The following ZNF532 variants were observed in gnomAD, a reference collection of about 807,000 sequenced individuals.
The protein encoded by ZNF532 is zinc finger protein 532.
ZNF532 carries 22 observed loss-of-function variants against 89.3 expected under a neutral mutation model. The observed-to-expected ratio is 0.25, with a 90% CI of 0.18 to 0.35. The LOEUF (loss-of-function observed/expected upper bound fraction) is 0.35. Ranked by LOEUF, ZNF532 falls within the 10% of genes least tolerant of loss-of-function variation. ZNF532 has a pLI of 1.00. For missense variants in ZNF532, 1,132 were observed against 1,643.4 expected (o/e 0.69, Z 5.38); for synonymous variants, 606 against 649.6 (o/e 0.93, Z 1.02).
chr18:58,922,640 C>T (rs968278185), intron 3 of ZNF532, among the ~76,000 whole-genome samples: 2 of 152,194 alleles, frequency 1.3e-5, no homozygotes, highest in African/African-American at 4.8e-5. Flanking sequence ...TCTTTTCATC[C>T]TAACAGGATG....
chr18:58,893,467 A>G (rs950073703), intron 2 of ZNF532, among the ~76,000 whole-genome samples: 2 of 151,946 alleles, frequency 1.3e-5, no homozygotes, highest in Admixed American at 1.3e-4. Context: ...CCTGGGCAAC[A>G]TGGCTGTGGC....
chr18:58,867,117 C>T (rs2056539743), intron 2 of ZNF532, among the ~76,000 whole-genome samples: 1 of 152,252 alleles, frequency 6.6e-6, no homozygotes, highest in Non-Finnish European at 1.5e-5. Flanking sequence ...TAGCTTAATA[C>T]AATAAGCTGT....
At chr18:58,941,070 A>C (rs2062977947) in intron 5 of ZNF532, among the ~76,000 whole-genome samples, 1 of 151,924 alleles carries the variant, frequency 6.6e-6, no homozygotes, top group Non-Finnish European at 1.5e-5. Context: ...AAAAAAAAAA[A>C]CATGTTGAAG....
intron 6 of ZNF532, among the ~76,000 whole-genome samples, chr18:58,949,309 T>C (rs1019899546): frequency 1.3e-5 from 2 of 152,216 alleles, no homozygotes; most frequent in African/African-American, 2.4e-5. Flanking sequence ...CCATTGGCTT[T>C]CAGAGATTAA....
In ZNF532 at chr18:58,900,103, T is replaced by C. The variant is rs533006657; in HGVS notation, c.-17-18168T>C. Among the ~76,000 whole-genome samples, 3 of 152,330 alleles carry C rather than the reference T, an allele frequency of 2.0e-5. No homozygotes were observed. The East Asian group carries it at 5.8e-4, about 29-fold the overall frequency. ...TTGTCTAGAGGCTTTCCCATGCATC[T>C]GGTGATTGTTTAGGGATGAGGCTGT... On this transcript the variant is annotated intron_variant, in intron 2 of 9. Transcript: ENST00000591808.
rs1184019348 is a variant in ZNF532 at position 58,984,328 on chromosome 18, C to T, written c.3768C>T (p.Ser1256=). 1 of 1,611,816 alleles carries T rather than the reference C, an allele frequency of 6.2e-7. No homozygotes were observed. Among genetic ancestry groups the T allele is most frequent in the Non-Finnish European group, 8.5e-7 (1 of 1,179,864 alleles). Reference sequence around the variant, plus strand: ...ACAAACCCAGCCACGAGGATGAATCCCCTGATGGCGCCGTGTCAGACAGAA... The same window carrying T: ...ACAAACCCAGCCACGAGGATGAATCTCCTGATGGCGCCGTGTCAGACAGAA... The part of the protein sequence containing the change: ...QENKPSHEDE[S]PDGAVSDRKC... The change falls in exon 10 of 10, where the codon TCC becomes TCT. Residue 1256 remains serine (S), a synonymous_variant. Transcript: ENST00000591808.
intron 2 of ZNF532, among the ~76,000 whole-genome samples, chr18:58,879,481 T>C (rs1239809991): frequency 5.9e-5 from 9 of 152,154 alleles, no homozygotes; most frequent in Admixed American, 5.9e-4. Flanking sequence ...CGCTGCAGCC[T>C]CCGCCTCCCG....
At position 58,979,092 on chromosome 18, in the gene ZNF532, C is replaced by G. The variant is rs1568469728; in HGVS notation, c.3188C>G (p.Ser1063Cys). The change falls in exon 8 of 10, where the codon TCT (serine) becomes TGT (cysteine). Residue 1063 changes from serine to cysteine, a missense_variant. Ser to Cys is a moderately radical substitution (Grantham distance 112, BLOSUM62 -1). Coordinates refer to ENST00000591808, the MANE Select transcript of ZNF532 (RefSeq NM_001375912.1). ...CACCCCTGCCGCCAGTGTGACAAGT[C>G]TTTCAGCTCGTCCCACAGCCTGTGC... ...KKHPCRQCDK[S>C]FSSSHSLCRH... 1 of 1,613,192 alleles carries G rather than the reference C, an allele frequency of 6.2e-7. No individual in the cohort carries two copies. Among genetic ancestry groups the G allele is most frequent in the Non-Finnish European group, 8.5e-7 (1 of 1,179,202 alleles).
In ZNF532 at chr18:58,920,126, G is replaced by A. The variant is rs1462829919; in HGVS notation, c.1839G>A (p.Thr613=). ...CCAATGCAGGGATCACGTTACCGAC[G>A]CGTGGGTACAAGTGCTTGGAGTGTG... ...PPANAGITLP[T]RGYKCLECGD... is the part of the protein sequence containing the mutation. Residue 613 remains threonine (T), a synonymous_variant, in exon 3 of 10, where the codon ACG becomes ACA. Coordinates refer to ENST00000591808, the MANE Select transcript of ZNF532 (RefSeq NM_001375912.1). 16 of 1,613,798 alleles carry A rather than the reference G, an allele frequency of 9.9e-6. No individual in the cohort carries two copies. Among genetic ancestry groups the A allele is most frequent in the Non-Finnish European group, 6.8e-6 (8 of 1,179,874 alleles).
chr18:58,881,847 G>A (rs1488000206), intron 2 of ZNF532, among the ~76,000 whole-genome samples: 1 of 152,178 alleles, frequency 6.6e-6, no homozygotes, highest in Admixed American at 6.5e-5. Context: ...ATCTTGTGCT[G>A]CTTTTATTCA....
intron 2 of ZNF532, among the ~76,000 whole-genome samples, chr18:58,870,577 G>T (rs2056897991): frequency 6.6e-6 from 1 of 152,212 alleles, no homozygotes; most frequent in African/African-American, 2.4e-5. Flanking sequence ...AGGCAGAAAA[G>T]ACGGACCTTT....
chr18:58,962,602 G>A (rs990924052), intron 7 of ZNF532, among the ~76,000 whole-genome samples: 1 of 149,778 alleles, frequency 6.7e-6, no homozygotes, highest in African/African-American at 2.4e-5. Context: ...CCTGGCCCTG[G>A]CATTCTTTTT....
At chr18:58,944,149 G>T (rs1032465489) in intron 5 of ZNF532, among the ~76,000 whole-genome samples, 1 of 152,184 alleles carries the variant, frequency 6.6e-6, no homozygotes, top group African/African-American at 2.4e-5. Context: ...GGAGGGTGGT[G>T]CTTTGCCCCT....
chr18:58,889,354 T>G (rs1240807973), intron 2 of ZNF532, among the ~76,000 whole-genome samples: 1 of 152,298 alleles, frequency 6.6e-6, no homozygotes, highest in Non-Finnish European at 1.5e-5. Flanking sequence ...TACCTGAAAT[T>G]TATCAGGTTG....
At chr18:58,972,108 G>C (rs1188647792) in intron 7 of ZNF532, among the ~76,000 whole-genome samples, 1 of 152,194 alleles carries the variant, frequency 6.6e-6, no homozygotes, top group Non-Finnish European at 1.5e-5. Context: ...GGAGGCTGAG[G>C]TACGAGAATC....
chr18:58,873,071 G>A (rs983558543), intron 2 of ZNF532, among the ~76,000 whole-genome samples: 1 of 151,360 alleles, frequency 6.6e-6, no homozygotes, highest in African/African-American at 2.4e-5. Flanking sequence ...GCAGTGCTGC[G>A]ATCTTTGCTC....
At chr18:58,983,791 T>C (rs2068122505) in intron 9 of ZNF532, among the ~76,000 whole-genome samples, 181 bp from the exon 10 acceptor site, 1 of 152,122 alleles carries the variant, frequency 6.6e-6, no homozygotes, top group African/African-American at 2.4e-5. Flanking sequence ...TAGGTTTCTC[T>C]GTGGAGTGGA....
At position 58,983,977 on chromosome 18, in the gene ZNF532, C is replaced by T; in HGVS notation, c.3417C>T (p.Pro1139=). The T allele has an allele frequency of 1.9e-6, 3 of 1,606,700 alleles. No individual in the cohort carries two copies. Among genetic ancestry groups the T allele is most frequent in the Non-Finnish European group, 2.5e-6 (3 of 1,176,672 alleles). ...TTGCTTTCTTTCCCTGAAAGGTCCCCAGTCCCAAGCGGAAGTTGGAAGAAC... is the reference window on the plus strand; with the variant it reads ...TTGCTTTCTTTCCCTGAAAGGTCCCTAGTCCCAAGCGGAAGTTGGAAGAAC... ...ETEIKEDTKV[P]SPKRKLEEPV... Residue 1139 remains proline, a synonymous_variant, in exon 10 of 10, where the codon CCC becomes CCT. Coordinates refer to ENST00000591808, the MANE Select transcript of ZNF532 (RefSeq NM_001375912.1).
intron 7 of ZNF532, among the ~76,000 whole-genome samples, chr18:58,965,498 A>C (rs2065831537): frequency 6.6e-6 from 1 of 152,358 alleles, no homozygotes. Context: ...GTCTCCTTGA[A>C]TCTTTCAATA....
Sources: allele counts gnomAD v4.1 joint callset (sites outside exome capture counted in the v4.1 genomes callset), GRCh38; gene constraint gnomAD v4.1.1; transcripts MANE v1.5; gene names NCBI Gene and HGNC (gene_info 2026-07-23, HGNC 2026-07-21).